Variants in IL33 observed in about 807,000 individuals in gnomAD.
IL33 encodes interleukin-33.
IL33 carries 37 observed loss-of-function variants against 27.3 expected under a neutral mutation model. The observed-to-expected ratio is 1.36, with a 90% CI of 1.04 to 1.78. The LOEUF (loss-of-function observed/expected upper bound fraction) is 1.78, where lower values mean the gene tolerates loss of function less well. Among genes scored for constraint, IL33 ranks in the 40% most tolerant of loss-of-function variants. The pLI is 0.00. For synonymous variants in IL33, 132 were observed against 102.9 expected, an observed-to-expected ratio of 1.28 and a Z score of -1.71; for missense variants, 406 against 311.4, an observed-to-expected ratio of 1.30 and a Z score of -2.29.
chr9:6,237,470 C>G (rs1564060137), intron 1 of IL33, among the ~76,000 whole-genome samples: 1 of 152,174 alleles, frequency 6.6e-6, no homozygotes, highest in African/African-American at 2.4e-5. Flanking sequence ...TTTTCAGCTT[C>G]TCTATCTTGC....
upstream of IL33, among the ~76,000 whole-genome samples, chr9:6,215,483 G>A (rs1429198859): frequency 5.9e-5 from 9 of 152,142 alleles, no homozygotes; most frequent in African/African-American, 1.4e-4. Context: ...AGAAGCCAAC[G>A]GCCAAAAGTG....
intron 2 of IL33, among the ~76,000 whole-genome samples, chr9:6,245,416 T>G (rs571546380): frequency 6.6e-6 from 1 of 152,302 alleles, no homozygotes; most frequent in East Asian, 1.9e-4. Flanking sequence ...GAAGATCTGT[T>G]ACAGTAAAGG....
intron 1 of IL33, among the ~76,000 whole-genome samples, chr9:6,230,790 T>C (rs1818889865): frequency 6.6e-6 from 1 of 152,216 alleles, no homozygotes; most frequent in South Asian, 2.1e-4. Context: ...GACAAGGAGA[T>C]GAATCAAATA....
At chr9:6,227,195 G>C (rs1292150213) in intron 1 of IL33, among the ~76,000 whole-genome samples, 1 of 152,136 alleles carries the variant, frequency 6.6e-6, no homozygotes, top group African/African-American at 2.4e-5. Context: ...TGTGAATGTA[G>C]CCCTTTGAGA....
At chr9:6,219,385 G>C (rs1213165605) in intron 1 of IL33, among the ~76,000 whole-genome samples, 3 of 151,996 alleles carry the variant, frequency 2.0e-5, no homozygotes, top group Non-Finnish European at 4.4e-5. Flanking sequence ...GGGGGAGTGA[G>C]GAATTGGGGG....
intron 3 of IL33, 86 bp from the exon 4 acceptor site, chr9:6,251,054 C>G (rs1816323735): frequency 6.5e-7 from 1 of 1,529,334 alleles, no homozygotes; most frequent in African/African-American, 1.4e-5. Flanking sequence ...CTACTCTCAG[C>G]AAGCAGCCTT....
At chr9:6,244,562 C>G (rs899738260) in intron 2 of IL33, among the ~76,000 whole-genome samples, 2 of 152,148 alleles carry the variant, frequency 1.3e-5, no homozygotes, top group African/African-American at 4.8e-5. Flanking sequence ...TGTCTGCTCT[C>G]TCTCTCAAAA....
intron 2 of IL33, among the ~76,000 whole-genome samples, chr9:6,243,956 CA>C (rs1244515791): frequency 4.6e-5 from 7 of 152,224 alleles, no homozygotes; most frequent in African/African-American, 7.2e-5. Context: ...ACCAGGAAAT[CA>C]CAGCAGAACC....
intron 1 of IL33, among the ~76,000 whole-genome samples, chr9:6,225,051 A>G (rs1207264201): frequency 6.6e-6 from 1 of 152,168 alleles, no homozygotes; most frequent in African/African-American, 2.4e-5. Flanking sequence ...CCTTCTACAG[A>G]ATGCTGTGCC....
chr9:6,251,075 C>A, intron 3 of IL33, 65 bp from the exon 4 acceptor site: 2 of 1,576,488 alleles, frequency 1.3e-6, no homozygotes, highest in Non-Finnish European at 1.7e-6. Context: ...AACTGGGAAT[C>A]CTCAAAGGGG....
chr9:6,253,675 CT>C, intron 6 of IL33, 73 bp downstream of exon 6: 3 of 1,187,132 alleles, frequency 2.5e-6, no homozygotes, highest in Middle Eastern at 2.0e-4. Flanking sequence ...CAAAAAAATC[CT>C]TTTTGCCCCA....
intron 5 of IL33, 87 bp downstream of exon 5, chr9:6,253,078 G>A: frequency 1.1e-6 from 1 of 941,128 alleles, no homozygotes; most frequent in Non-Finnish European, 1.5e-6. Flanking sequence ...TTAAACAATG[G>A]ATTAACTTAG....
chr9:6,232,468 A>G (rs907115578), intron 1 of IL33, among the ~76,000 whole-genome samples: 21 of 152,236 alleles, frequency 1.4e-4, no homozygotes, highest in African/African-American at 5.1e-4. Context: ...CCTAATTTAA[A>G]TGTATGTCAT....
chr9:6,256,013 C>T lies in IL33; in HGVS notation c.658C>T (p.Leu220Phe). 1 of 1,613,728 alleles carries T rather than the reference C, an allele frequency of 6.2e-7. No individual in the cohort carries two copies. Among genetic ancestry groups the T allele is most frequent in the Non-Finnish European group, 8.5e-7 (1 of 1,179,708 alleles). ...KPLPDQAFFVLHNMHSNCVSF... is the reference protein window; with the variant it reads ...KPLPDQAFFVFHNMHSNCVSF... ...ACTGCCAGACCAGGCCTTCTTTGTC[C>T]TTCATAATATGCACTCCAACTGTGT... The change falls in exon 8 of 8, where the codon CTT becomes TTT. Residue 220 changes from leucine to phenylalanine, a missense_variant. Physicochemically the swap from Leu to Phe is conservative, Grantham distance 22. Transcript: ENST00000682010.
At chr9:6,215,967 T>C (rs1009580748) in intron 1 of IL33, 115 bp downstream of exon 1, 3 of 152,260 alleles carry the variant, frequency 2.0e-5, no homozygotes, top group Middle Eastern at 3.4e-3. Flanking sequence ...AAGGCCAATT[T>C]GTTATTATTG....
intron 1 of IL33, among the ~76,000 whole-genome samples, chr9:6,228,883 C>T (rs1279043344): frequency 1.4e-5 from 2 of 143,868 alleles, no homozygotes; most frequent in East Asian, 4.1e-4. Flanking sequence ...TATTTGGGTA[C>T]TAAAGAAAAA....
At chr9:6,241,889 A>C (rs1321616597) in intron 2 of IL33, 104 bp downstream of exon 2, 2 of 758,178 alleles carry the variant, frequency 2.6e-6, no homozygotes, top group Non-Finnish European at 4.2e-6. Flanking sequence ...AAATCTACTA[A>C]GAATACAAGA....
intron 2 of IL33, among the ~76,000 whole-genome samples, chr9:6,244,875 T>C (rs1241467829): frequency 6.6e-6 from 1 of 152,184 alleles, no homozygotes; most frequent in Non-Finnish European, 1.5e-5. Context: ...AAGCCACAGT[T>C]CACAATGCTA....
intron 2 of IL33, among the ~76,000 whole-genome samples, chr9:6,245,755 G>C (rs911473168): frequency 6.6e-6 from 1 of 152,138 alleles, no homozygotes; most frequent in African/African-American, 2.4e-5. Flanking sequence ...ATGATTCTCA[G>C]CTTTTTGATT....
Sources: gnomAD v4.1 joint callset for allele counts (sites outside exome capture counted in the v4.1 genomes callset) on GRCh38, gnomAD v4.1.1 for gene constraint, MANE v1.5 for transcripts, NCBI Gene and HGNC (gene_info 2026-07-23, HGNC 2026-07-21) for gene names.